Variants in GFRA1 observed in about 807,000 individuals in gnomAD.
GFRA1 encodes the protein GDNF family receptor alpha-1.
In GFRA1, 16 loss-of-function variants were observed where a neutral mutation model predicts 51.6. The ratio of observed to expected loss-of-function variants is 0.31; its 90% CI spans 0.21 to 0.47. GFRA1 has a LOEUF of 0.47. GFRA1 is among the 20% of genes least tolerant of loss of function. GFRA1 has a pLI of 1.00. For missense variants in GFRA1, 530 were observed against 594.3 expected, an observed-to-expected ratio of 0.89 and a Z score of 1.13; for synonymous variants, 270 against 241.3, an observed-to-expected ratio of 1.12 and a Z score of -1.10.
intron 9 of GFRA1, among the ~76,000 whole-genome samples, chr10:116,073,389 A>G (rs1343170942): frequency 6.6e-6 from 1 of 152,196 alleles, no homozygotes; most frequent in Middle Eastern, 3.2e-3. Context: ...GCAGAAATAT[A>G]TTAGAGAACT....
intron 4 of GFRA1, among the ~76,000 whole-genome samples, chr10:116,216,210 C>G (rs977176508): frequency 1.2e-4 from 18 of 152,118 alleles, no homozygotes; most frequent in Non-Finnish European, 2.1e-4. Context: ...GCTGATTAAA[C>G]TTTCTTGAGT....
In GFRA1 at chr10:116,064,437, G is replaced by A. The variant is rs200037769; in HGVS notation, c.1359C>T (p.Thr453=). The A allele has an allele frequency of 1.6e-5, 26 of 1,612,558 alleles. No homozygotes were observed. The highest frequency in any genetic ancestry group is 5.0e-5 in the Admixed American group (3 of 59,960). The part of the protein sequence containing the change: ...GLSPLLVLVV[T]ALSTLLSLTE... ...TTAAAGATAATAGGGTGGACAGAGC[G>A]GTTACCACCAGGACCAGCAGTGGGC... Residue 453 remains threonine, a synonymous_variant, in exon 11 of 11, where the codon ACC becomes ACT. Transcript: ENST00000355422.
chr10:116,085,955 TC>T (rs1417358586), intron 9 of GFRA1, among the ~76,000 whole-genome samples: 1 of 152,194 alleles, frequency 6.6e-6, no homozygotes, highest in Non-Finnish European at 1.5e-5. Flanking sequence ...CTTTCCTTCT[TC>T]CTCACTGTCT....
chr10:116,107,023 T>C (rs777674859), intron 6 of GFRA1, among the ~76,000 whole-genome samples: 1 of 152,158 alleles, frequency 6.6e-6, no homozygotes, highest in African/African-American at 2.4e-5. Flanking sequence ...GCTGAGCAAA[T>C]GCCAGCACCA....
At chr10:116,157,816 CAG>C (rs1264194829) in intron 5 of GFRA1, among the ~76,000 whole-genome samples, 1 of 152,156 alleles carries the variant, frequency 6.6e-6, no homozygotes, top group Non-Finnish European at 1.5e-5. Flanking sequence ...GACAGCCTGA[CAG>C]AGGAATAAAG....
At chr10:116,165,310 A>G (rs1960264022) in intron 5 of GFRA1, among the ~76,000 whole-genome samples, 1 of 146,160 alleles carries the variant, frequency 6.8e-6, no homozygotes, top group East Asian at 1.9e-4. Flanking sequence ...ATTGTGGATA[A>G]TAAGAAGTCA....
At chr10:116,186,566 CTCTT>C (rs560230981) in intron 5 of GFRA1, among the ~76,000 whole-genome samples, 63 of 76,088 alleles carry the variant, frequency 8.3e-4, no homozygotes, top group African/African-American at 2.5e-3. Context: ...AGAGGAAAGG[CTCTT>C]AAAAAAAAAA....
intron 4 of GFRA1, 48 bp from the exon 5 acceptor site, chr10:116,211,693 G>A (rs986996079): frequency 2.9e-6 from 4 of 1,379,328 alleles, no homozygotes; most frequent in Non-Finnish European, 4.0e-6. Flanking sequence ...GAGAAAGAGA[G>A]GAGAAAAAAT....
intron 5 of GFRA1, among the ~76,000 whole-genome samples, chr10:116,176,014 C>T (rs950819285): frequency 2.6e-5 from 4 of 151,926 alleles, no homozygotes; most frequent in Admixed American, 6.6e-5. Flanking sequence ...TGATCGTTTC[C>T]GCCACAAACA....
chr10:116,269,269 C>T (rs1013820144), intron 4 of GFRA1, among the ~76,000 whole-genome samples: 2 of 152,190 alleles, frequency 1.3e-5, no homozygotes, highest in African/African-American at 4.8e-5. Context: ...CAAGTCACCT[C>T]CCTCGAACCT....
chr10:116,259,977 C>T (rs1359441920), intron 4 of GFRA1, among the ~76,000 whole-genome samples: 2 of 152,140 alleles, frequency 1.3e-5, no homozygotes, highest in African/African-American at 4.8e-5. Context: ...AGGGGCTTCC[C>T]CAGCGGGACT....
At chr10:116,161,878 A>C (rs575269600) in intron 5 of GFRA1, among the ~76,000 whole-genome samples, 1 of 152,370 alleles carries the variant, frequency 6.6e-6, no homozygotes, top group Non-Finnish European at 1.5e-5. Flanking sequence ...ATTTGTGCAA[A>C]AGAAAAAATT....
intron 7 of GFRA1, among the ~76,000 whole-genome samples, chr10:116,095,642 G>T (rs578040886): frequency 6.6e-6 from 1 of 152,262 alleles, no homozygotes; most frequent in African/African-American, 2.4e-5. Flanking sequence ...AATGTACCAG[G>T]AACCTGTCCA....
intron 4 of GFRA1, among the ~76,000 whole-genome samples, chr10:116,246,904 C>G (rs1345475147): frequency 6.6e-6 from 1 of 152,026 alleles, no homozygotes; most frequent in Non-Finnish European, 1.5e-5. Flanking sequence ...CACAGAGAAA[C>G]CAGAATAAAA....
At chr10:116,205,934 A>T (rs1035255988) in intron 5 of GFRA1, among the ~76,000 whole-genome samples, 8 of 112,934 alleles carry the variant, frequency 7.1e-5, no homozygotes, top group African/African-American at 2.6e-4. Flanking sequence ...TATCACACAC[A>T]CACACACACA....
At chr10:116,257,943 T>G (rs1969003729) in intron 4 of GFRA1, among the ~76,000 whole-genome samples, 2 of 152,156 alleles carry the variant, frequency 1.3e-5, no homozygotes, top group Admixed American at 1.3e-4. Context: ...TGCCTCTGCC[T>G]GGAATGCTCT....
At chr10:116,274,631 C>T (rs1036402431), upstream of GFRA1, among the ~76,000 whole-genome samples, 1 of 152,108 alleles carries the variant, frequency 6.6e-6, no homozygotes, top group Non-Finnish European at 1.5e-5. Context: ...CCTCGGGGCG[C>T]GCCCCAAACC....
chr10:116,095,992 C>G (rs1956555045), intron 7 of GFRA1, among the ~76,000 whole-genome samples: 2 of 152,256 alleles, frequency 1.3e-5, no homozygotes, highest in South Asian at 4.1e-4. Context: ...TCCAAGTTTG[C>G]TTCCCTTCTG....
At chr10:116,154,360 G>A (rs1427311251) in intron 5 of GFRA1, among the ~76,000 whole-genome samples, 3 of 152,180 alleles carry the variant, frequency 2.0e-5, no homozygotes, top group African/African-American at 4.8e-5. Context: ...GTAGTCATAC[G>A]ATAGAAAAAC....
Sources: gnomAD v4.1 joint callset for allele counts (sites outside exome capture counted in the v4.1 genomes callset) on GRCh38, gnomAD v4.1.1 for gene constraint, MANE v1.5 for transcripts, NCBI Gene and HGNC (gene_info 2026-07-23, HGNC 2026-07-21) for gene names.